GADL1: variants seen among roughly 807,000 people sequenced by gnomAD.
The protein encoded by GADL1 is GAD like acidic amino acid decarboxylase 1, also known as acidic amino acid decarboxylase GADL1.
In GADL1, 71 loss-of-function variants were observed where a neutral mutation model predicts 69.5. That is an observed-to-expected ratio of 1.02 (90% confidence interval 0.84 to 1.25). The LOEUF (loss-of-function observed/expected upper bound fraction) is 1.25. Among genes scored for constraint, GADL1 ranks in the 50% most tolerant of loss-of-function variants. The probability of loss-of-function intolerance (pLI) is 0.00; values close to 1 mark genes in which losing one functional copy is unlikely to be tolerated. For synonymous variants in GADL1, 254 were observed against 214.4 expected, an observed-to-expected ratio of 1.18 and a Z score of -1.62; for missense variants, 737 against 631.8, an observed-to-expected ratio of 1.17 and a Z score of -1.79.
At chr3:30,750,995 C>T (rs890134122) in intron 14 of GADL1, among the ~76,000 whole-genome samples, 2 of 151,328 alleles carry the variant, frequency 1.3e-5, no homozygotes, top group Admixed American at 6.6e-5. Context: ...AAGTAAAGAA[C>T]TATTGAGACA....
At chr3:30,751,872 T>C (rs1343815654) in intron 14 of GADL1, among the ~76,000 whole-genome samples, 1 of 152,218 alleles carries the variant, frequency 6.6e-6, no homozygotes, top group Non-Finnish European at 1.5e-5. Flanking sequence ...CAGGGCTAAA[T>C]CTAGCTTCCC....
At chr3:30,789,726 A>G (rs1219633264) in intron 12 of GADL1, among the ~76,000 whole-genome samples, 1 of 152,158 alleles carries the variant, frequency 6.6e-6, no homozygotes, top group Non-Finnish European at 1.5e-5. Context: ...TTCAACTTGC[A>G]CTTTTATGTT....
At chr3:30,817,792 CAGA>C (rs1487976301) in intron 11 of GADL1, among the ~76,000 whole-genome samples, 2 of 152,090 alleles carry the variant, frequency 1.3e-5, no homozygotes, top group Non-Finnish European at 2.9e-5. Context: ...GATAATAAAA[CAGA>C]AGAATACTAT....
intron 1 of GADL1, among the ~76,000 whole-genome samples, chr3:30,876,321 T>C (rs1698575928): frequency 6.6e-6 from 1 of 152,012 alleles, no homozygotes; most frequent in Non-Finnish European, 1.5e-5. Flanking sequence ...TATTTTCCAT[T>C]TATGGAAAGA....
intron 11 of GADL1, among the ~76,000 whole-genome samples, chr3:30,802,559 C>T (rs143931037): frequency 4.6e-5 from 7 of 152,174 alleles, no homozygotes; most frequent in Non-Finnish European, 1.0e-4. Context: ...ATTAAATGTG[C>T]TTCATTTGAC....
intron 14 of GADL1, among the ~76,000 whole-genome samples, chr3:30,748,225 C>T (rs530005984): frequency 4.4e-4 from 67 of 152,092 alleles, no homozygotes; most frequent in Non-Finnish European, 7.5e-4. Context: ...AGCGCATGGA[C>T]GTAGAAAATC....
intron 12 of GADL1, among the ~76,000 whole-genome samples, chr3:30,794,730 A>G (rs1471712924): frequency 6.6e-6 from 1 of 152,226 alleles, no homozygotes; most frequent in Non-Finnish European, 1.5e-5. Flanking sequence ...CTGACAACCC[A>G]TAAAATTGGA....
At chr3:30,842,904 G>C (rs1697992065) in intron 8 of GADL1, among the ~76,000 whole-genome samples, 1 of 142,546 alleles carries the variant, frequency 7.0e-6, no homozygotes, top group Non-Finnish European at 1.5e-5. Context: ...AAATACAGAA[G>C]TTCAAGCCAA....
At chr3:30,747,750 C>T (rs73056874) in intron 14 of GADL1, among the ~76,000 whole-genome samples, 17,887 of 152,102 alleles carry the variant, frequency 0.12, 1,195 homozygotes, top group East Asian at 0.23. Flanking sequence ...CTTTGTTTAT[C>T]CTATCCTGTA....
At chr3:30,758,572 T>TG (rs1043598671) in intron 14 of GADL1, among the ~76,000 whole-genome samples, 26 of 152,194 alleles carry the variant, frequency 1.7e-4, no homozygotes, top group African/African-American at 6.3e-4. Flanking sequence ...ATATATGTAA[T>TG]GGGCTTAGCA....
intron 14 of GADL1, among the ~76,000 whole-genome samples, chr3:30,766,898 T>G (rs969995515): frequency 2.0e-5 from 3 of 152,170 alleles, no homozygotes; most frequent in Admixed American, 6.5e-5. Context: ...AAGTCTATTA[T>G]TGTGATAGTG....
intron 14 of GADL1, among the ~76,000 whole-genome samples, chr3:30,754,475 G>A (rs537050263): frequency 4.9e-5 from 7 of 144,092 alleles, no homozygotes; most frequent in Non-Finnish European, 9.4e-5. Flanking sequence ...GCCAATGACG[G>A]ACTCTCGAAT....
intron 1 of GADL1, among the ~76,000 whole-genome samples, chr3:30,889,083 A>AT (rs1393036779): frequency 5.7e-4 from 74 of 130,062 alleles, no homozygotes; most frequent in African/African-American, 1.0e-3. Flanking sequence ...TCGGTAATCT[A>AT]TAAAAAAAAA....
At chr3:30,782,523 A>G (rs2125497956) in intron 13 of GADL1, among the ~76,000 whole-genome samples, 1 of 152,242 alleles carries the variant, frequency 6.6e-6, no homozygotes, top group African/African-American at 2.4e-5. Flanking sequence ...TTAAGTTTTT[A>G]GAAATGTTGA....
intron 1 of GADL1, among the ~76,000 whole-genome samples, chr3:30,887,428 TAAG>T (rs1373124689): frequency 2.6e-5 from 4 of 152,116 alleles, no homozygotes; most frequent in Non-Finnish European, 5.9e-5. Flanking sequence ...GGTAGCTTTA[TAAG>T]AAGAGGAAAA....
intron 11 of GADL1, among the ~76,000 whole-genome samples, chr3:30,818,086 T>TG (rs1180782288): frequency 6.6e-6 from 1 of 152,176 alleles, no homozygotes; most frequent in African/African-American, 2.4e-5. Flanking sequence ...CAGTTCACAA[T>TG]GACCCCTTAC....
chr3:30,801,523 A>G (rs1032828024), intron 11 of GADL1, among the ~76,000 whole-genome samples: 1 of 152,158 alleles, frequency 6.6e-6, no homozygotes, highest in African/African-American at 2.4e-5. Flanking sequence ...CTTCATATTC[A>G]TTTGAAAAGG....
chr3:30,740,935 A>G (rs1299210366), intron 14 of GADL1, among the ~76,000 whole-genome samples: 2 of 141,862 alleles, frequency 1.4e-5, no homozygotes, highest in African/African-American at 2.6e-5. Context: ...CAAATATATT[A>G]TATTTGATAT....
intron 6 of GADL1, among the ~76,000 whole-genome samples, chr3:30,848,794 C>G (rs1482443901): frequency 2.0e-5 from 3 of 152,184 alleles, no homozygotes; most frequent in Non-Finnish European, 4.4e-5. Context: ...CCAGATGACA[C>G]TTTACATGCA....
Sources: gnomAD v4.1 joint callset for allele counts (sites outside exome capture counted in the v4.1 genomes callset) on GRCh38, gnomAD v4.1.1 for gene constraint, MANE v1.5 for transcripts, NCBI Gene and HGNC (gene_info 2026-07-23, HGNC 2026-07-21) for gene names.